ZBTB10: variants seen among roughly 807,000 people sequenced by gnomAD.
ZBTB10 encodes the protein zinc finger and BTB domain-containing protein 10.
Under a neutral mutation model 76.4 loss-of-function variants are expected in ZBTB10, and 32 were observed. The observed-to-expected ratio is 0.42, with a 90% CI of 0.32 to 0.56. The LOEUF (loss-of-function observed/expected upper bound fraction) is 0.56, where lower values mean the gene tolerates loss of function less well. Ranked by LOEUF, ZBTB10 falls within the 20% of genes least tolerant of loss-of-function variation. The probability of loss-of-function intolerance (pLI) is 0.14; values close to 1 mark genes in which losing one functional copy is unlikely to be tolerated. For synonymous variants in ZBTB10, 523 were observed against 432.9 expected, an observed-to-expected ratio of 1.21 and a Z score of -2.58; for missense variants, 1,057 against 1,098.5, an observed-to-expected ratio of 0.96 and a Z score of 0.53.
intron 1 of ZBTB10, among the ~76,000 whole-genome samples, chr8:80,491,705 T>TTA (rs1490229261): frequency 1.3e-5 from 2 of 152,216 alleles, no homozygotes; most frequent in Non-Finnish European, 2.9e-5. Flanking sequence ...GGTTTAATGA[T>TTA]TAGCTCATTC....
chr8:80,493,976 CCTT>C (rs1297538765), intron 1 of ZBTB10, among the ~76,000 whole-genome samples: 5 of 152,130 alleles, frequency 3.3e-5, no homozygotes, highest in African/African-American at 7.2e-5. Context: ...GCAAAAGAGA[CCTT>C]CTTGTCTTTT....
chr8:80,502,669 A>C (rs1307233040), intron 2 of ZBTB10, among the ~76,000 whole-genome samples: 2 of 152,120 alleles, frequency 1.3e-5, no homozygotes, highest in Non-Finnish European at 2.9e-5. Context: ...AAAGAGCATT[A>C]TGGTTAGGGT....
chr8:80,514,653 T>C (rs979734560), intron 3 of ZBTB10, among the ~76,000 whole-genome samples: 1 of 152,232 alleles, frequency 6.6e-6, no homozygotes, highest in Non-Finnish European at 1.5e-5. Flanking sequence ...GAATATCATA[T>C]TCACATGGTC....
intron 3 of ZBTB10, among the ~76,000 whole-genome samples, chr8:80,516,421 G>A (rs1475342870): frequency 2.0e-5 from 3 of 152,208 alleles, no homozygotes; most frequent in Non-Finnish European, 2.9e-5. Context: ...TAAGATAGGC[G>A]CAGGAGTTTG....
intron 3 of ZBTB10, among the ~76,000 whole-genome samples, chr8:80,515,936 CTGTTA>C (rs1240093372): frequency 1.2e-4 from 19 of 152,168 alleles, no homozygotes; most frequent in African/African-American, 4.6e-4. Flanking sequence ...CAAGTATTCT[CTGTTA>C]TAAGAATTAG....
At chr8:80,491,579 CT>C (rs202078957) in intron 1 of ZBTB10, among the ~76,000 whole-genome samples, 2,183 of 152,260 alleles carry the variant, frequency 0.014, 33 homozygotes, top group Non-Finnish European at 0.022. Flanking sequence ...TTAAAACATG[CT>C]TTCTGAGTCT....
intron 2 of ZBTB10, among the ~76,000 whole-genome samples, chr8:80,511,605 A>G (rs1449870139): frequency 2.0e-5 from 3 of 152,218 alleles, no homozygotes; most frequent in African/African-American, 7.2e-5. Flanking sequence ...CTCCCGCCTC[A>G]GCCTCCTCAG....
chr8:80,486,086 C>A, upstream of ZBTB10: 1 of 1,007,436 alleles, frequency 9.9e-7, no homozygotes, highest in Non-Finnish European at 1.3e-6. Flanking sequence ...AGCCCAGCCC[C>A]TTTCCCGGTC....
At chr8:80,509,811 T>C (rs1479646792) in intron 2 of ZBTB10, among the ~76,000 whole-genome samples, 4 of 152,144 alleles carry the variant, frequency 2.6e-5, no homozygotes, top group Non-Finnish European at 5.9e-5. Flanking sequence ...AGATAGGGTC[T>C]TGGTCTTTCA....
rs1815494788 is a variant in ZBTB10, at chr8:80,487,227, C to T, written c.417C>T (p.Ser139=). Residue 139 remains serine (S), a synonymous_variant, in exon 1 of 6, where the codon AGC becomes AGT. Transcript: ENST00000455036. ...GGGGTCTCGGCAACAATGGCAGTAG[C>T]CGCGGCCGCCCCGAGACCTCGGTGT... ...GGGGLGNNGS[S]RGRPETSVWP... The T allele has an allele frequency of 1.9e-6, 3 of 1,546,744 alleles. No homozygotes were observed. Among genetic ancestry groups the T allele is most frequent in the South Asian group, 2.4e-5 (2 of 84,100 alleles).
chr8:80,501,897 G>A (rs1024556501), intron 2 of ZBTB10, among the ~76,000 whole-genome samples: 4 of 152,160 alleles, frequency 2.6e-5, no homozygotes, highest in African/African-American at 4.8e-5. Flanking sequence ...TTAGAGCTAC[G>A]TTGTCTTTGT....
chr8:80,489,396 G>A (rs1438284821), intron 1 of ZBTB10, among the ~76,000 whole-genome samples: 6 of 152,202 alleles, frequency 3.9e-5, no homozygotes, highest in Non-Finnish European at 7.3e-5. Context: ...AGTTGCAAGG[G>A]ACTTGTGAAA....
chr8:80,511,537 T>A (rs1467177528), intron 2 of ZBTB10, among the ~76,000 whole-genome samples: 3 of 152,232 alleles, frequency 2.0e-5, no homozygotes, highest in African/African-American at 7.2e-5. Context: ...GCCCAGGCTG[T>A]AGTATAGTGG....
chr8:80,485,812 G>A, upstream of ZBTB10: 3 of 1,535,568 alleles, frequency 2.0e-6, no homozygotes, highest in South Asian at 1.2e-5. Flanking sequence ...AGCTCCCACC[G>A]CACAGTTATT....
Position 80,520,437 on chromosome 8 carries a change from C to T in ZBTB10, c.*909C>T, listed in dbSNP as rs1182916992. The T allele has an allele frequency of 2.0e-5, 3 of 152,398 alleles. No individual in the cohort carries two copies. The highest frequency in any genetic ancestry group is 7.2e-5 in the African/African-American group (3 of 41,404). 9.4% of individuals were successfully genotyped at this position (152,398 alleles called of 1,614,324 possible). A position where few individuals can be genotyped will look rare whatever the true frequency, so the allele number is the denominator to read the frequency against. On this transcript the variant is annotated 3_prime_UTR_variant, in exon 6 of 6. Coordinates refer to ENST00000455036, the MANE Select transcript of ZBTB10 (RefSeq NM_001105539.3). ...TTATTTTTGCCAGTGTACTATACCT[C>T]AGTCCTATTTGAAAGACCTAATTGA...
intron 2 of ZBTB10, among the ~76,000 whole-genome samples, chr8:80,509,977 ATAT>A (rs1374512476): frequency 6.6e-6 from 1 of 152,134 alleles, no homozygotes; most frequent in Non-Finnish European, 1.5e-5. Flanking sequence ...TCTCATGAAG[ATAT>A]TATTTAAAAT....
Position 80,487,731 on chromosome 8 carries a change from C to T in ZBTB10, c.921C>T (p.Leu307=), listed in dbSNP as rs960568527. 1.9e-6 allele frequency: 3 copies of T among 1,612,748 alleles called. No homozygotes were observed. Among genetic ancestry groups the T allele is most frequent in the African/African-American group, 1.3e-5 (1 of 74,888 alleles). ...RGTRNYKKTL[L]LRHHVSTEHK... ...CCCGCAACTACAAGAAAACCCTCCT[C>T]CTGAGGCACCACGTCTCTACCGAGC... The change falls in exon 1 of 6, where the codon CTC becomes CTT. Residue 307 remains leucine, a synonymous_variant. Coordinates refer to ENST00000455036, the MANE Select transcript of ZBTB10 (RefSeq NM_001105539.3).
intron 2 of ZBTB10, among the ~76,000 whole-genome samples, chr8:80,504,919 G>A (rs1024181258): frequency 6.6e-6 from 1 of 152,094 alleles, no homozygotes; most frequent in African/African-American, 2.4e-5. Flanking sequence ...GTTGTGTCCC[G>A]TTTAACTAGA....
chr8:80,518,124 C>G (rs769675760), intron 3 of ZBTB10, among the ~76,000 whole-genome samples: 7 of 151,820 alleles, frequency 4.6e-5, no homozygotes, highest in Admixed American at 4.6e-4. Flanking sequence ...GCCTCAGCCT[C>G]GCAAAGTGCT....
Sources: allele counts gnomAD v4.1 joint callset (sites outside exome capture counted in the v4.1 genomes callset), GRCh38; gene constraint gnomAD v4.1.1; transcripts MANE v1.5; gene names NCBI Gene and HGNC (gene_info 2026-07-23, HGNC 2026-07-21).